MBIP: variants seen among roughly 807,000 people sequenced by gnomAD.
MBIP encodes MAP3K12-binding inhibitory protein 1.
A neutral mutation model predicts 45.7 loss-of-function variants in MBIP; 32 were observed. The observed-to-expected ratio is 0.70, with a 90% CI of 0.53 to 0.94. The LOEUF is 0.94. Among genes scored for constraint, MBIP ranks in the 40% least tolerant of loss-of-function variants. The pLI is 0.00. For synonymous variants in MBIP, 145 were observed against 141.0 expected (o/e 1.03, Z -0.20); for missense variants, 381 against 405.5 (o/e 0.94, Z 0.52).
intron 6 of MBIP, among the ~76,000 whole-genome samples, chr14:36,310,117 A>G (rs1002914504): frequency 1.3e-5 from 2 of 152,234 alleles, no homozygotes; most frequent in African/African-American, 4.8e-5. Flanking sequence ...TCATACTATT[A>G]TTAGAGACTT....
chr14:36,311,485 T>C, intron 6 of MBIP, 88 bp downstream of exon 6: 3 of 1,255,794 alleles, frequency 2.4e-6, no homozygotes, highest in Non-Finnish European at 2.2e-6. Context: ...TGTTAGGAGC[T>C]AAATGAAAAT....
chr14:36,319,046 A>C (rs1217771592), intron 1 of MBIP, among the ~76,000 whole-genome samples: 1 of 152,100 alleles, frequency 6.6e-6, no homozygotes, highest in Non-Finnish European at 1.5e-5. Flanking sequence ...GACATAAGTA[A>C]ATTGTAATCA....
chr14:36,316,989 A>G (rs1189141996), intron 1 of MBIP, among the ~76,000 whole-genome samples, 177 bp from the exon 2 acceptor site: 1 of 152,226 alleles, frequency 6.6e-6, no homozygotes, highest in Non-Finnish European at 1.5e-5. Flanking sequence ...CAAGAAAGCT[A>G]CAGATTTTCA....
intron 7 of MBIP, among the ~76,000 whole-genome samples, chr14:36,306,142 A>G (rs1192737948): frequency 6.6e-6 from 1 of 152,192 alleles, no homozygotes; most frequent in Non-Finnish European, 1.5e-5. Context: ...GGTCCTAACA[A>G]TCTGGCTACT....
chr14:36,320,611 C>A lies in MBIP; in HGVS notation c.-23G>T. Reference sequence around the variant, plus strand: ...CATGATATCTTCTCAGGCCGCCCCACCACCACCACCACCAAGATTTGCTCA... The same window carrying A: ...CATGATATCTTCTCAGGCCGCCCCAACACCACCACCACCAAGATTTGCTCA... On this transcript the variant is annotated 5_prime_UTR_variant, in exon 1 of 9. Transcript: ENST00000416007. The A allele has an allele frequency of 6.3e-7, 1 of 1,576,810 alleles. No homozygotes were observed. Among genetic ancestry groups the A allele is most frequent in the East Asian group, 2.3e-5 (1 of 44,120 alleles).
In MBIP at chr14:36,309,564, T is replaced by G. The variant is rs111563846; in HGVS notation, c.791-1375A>C. Among the ~76,000 whole-genome samples, 520 of 152,300 alleles carry G rather than the reference T, an allele frequency of 3.4e-3. 1 individual carries two copies. Among genetic ancestry groups the G allele is most frequent in the African/African-American group, 0.012 (495 of 41,554 alleles). Reference sequence around the variant, plus strand: ...TTTCTATATCAAAATTGTCAACTTGTTATGTAAAAATTCTAGAAATTTTGA... The same window carrying G: ...TTTCTATATCAAAATTGTCAACTTGGTATGTAAAAATTCTAGAAATTTTGA... On this transcript the variant is annotated intron_variant, in intron 6 of 8. Transcript: ENST00000416007.
At position 36,316,805 on chromosome 14, in the gene MBIP, A is replaced by C; in HGVS notation, c.137T>G (p.Leu46Arg). ...SLHTLVGQLD[L>R]RDDVVKITID... is the part of the protein sequence containing the mutation. Reference sequence around the variant, plus strand: ...TGTAATTTTCACCACATCATCTCTGAGGTCAAGCTTCAAAGGGGCAAACCA... The same window carrying C: ...TGTAATTTTCACCACATCATCTCTGCGGTCAAGCTTCAAAGGGGCAAACCA... Residue 46 changes from leucine to arginine, a missense_variant, in exon 2 of 9, where the codon CTC becomes CGC. Physicochemically the swap from Leu to Arg is moderately radical, Grantham distance 102. Transcript: ENST00000416007. 1 of 1,608,142 alleles carries C rather than the reference A, an allele frequency of 6.2e-7. No homozygotes were observed. Among genetic ancestry groups the C allele is most frequent in the Non-Finnish European group, 8.5e-7 (1 of 1,177,876 alleles).
At chr14:36,303,662 A>G (rs1166032572) in intron 7 of MBIP, among the ~76,000 whole-genome samples, 1 of 152,214 alleles carries the variant, frequency 6.6e-6, no homozygotes, top group Non-Finnish European at 1.5e-5. Flanking sequence ...ATCCTTATGC[A>G]GAGCATGACT....
At position 36,298,898 on chromosome 14, in the gene MBIP, A is replaced by G. The variant is rs1027703271; in HGVS notation, c.*185T>C. 8.9e-6 allele frequency: 4 copies of G among 450,696 alleles called. No individual in the cohort carries two copies. In the Admixed American group the frequency reaches 1.6e-4, roughly 18 times the overall value. 27.9% of individuals were successfully genotyped at this position (450,696 alleles called of 1,614,324 possible). ...ATTCCAACAATGCTATTTTCAATGCATTCATTATTTCAAAACTTACTGGAA... is the reference window on the plus strand; with the variant it reads ...ATTCCAACAATGCTATTTTCAATGCGTTCATTATTTCAAAACTTACTGGAA... On this transcript the variant is annotated 3_prime_UTR_variant, in exon 9 of 9. Transcript: ENST00000416007.
intron 7 of MBIP, among the ~76,000 whole-genome samples, chr14:36,303,880 G>C (rs1879720955): frequency 6.6e-6 from 1 of 152,088 alleles, no homozygotes; most frequent in Non-Finnish European, 1.5e-5. Flanking sequence ...ATTTCTCTCT[G>C]GCTTGGATAA....
intron 1 of MBIP, 147 bp downstream of exon 1, chr14:36,320,313 G>A: frequency 9.2e-7 from 1 of 1,091,596 alleles, no homozygotes; most frequent in Non-Finnish European, 1.3e-6. Context: ...CGAGGAGGCT[G>A]GGCCCGGGCT....
rs770324179 is a variant in MBIP, at chr14:36,299,120, C to T, written c.998G>A (p.Arg333Lys). The T allele has an allele frequency of 6.8e-6, 11 of 1,613,730 alleles. No individual in the cohort carries two copies. In the Admixed American group the frequency reaches 1.8e-4, roughly 27 times the overall value. Residue 333 changes from arginine to lysine, a missense_variant, in exon 9 of 9, where the codon AGA becomes AAA. Physicochemically the swap from Arg to Lys is conservative, Grantham distance 26. Coordinates refer to ENST00000416007, the MANE Select transcript of MBIP (RefSeq NM_016586.3). ...GTGGGTTGCCATGGATTCTGCTTCT[C>T]TTGATTTTCTGAGGAGGGCTTGTTT... ...ALKQALLRKS[R>K]EAESMATHHL...
intron 1 of MBIP, 83 bp downstream of exon 1, chr14:36,320,377 C>T: frequency 1.3e-6 from 2 of 1,580,842 alleles, no homozygotes; most frequent in Middle Eastern, 1.7e-4. Context: ...GGCCTAGCTG[C>T]CCCCGGCCTC....
intron 1 of MBIP, 82 bp downstream of exon 1, chr14:36,320,378 C>A: frequency 6.3e-7 from 1 of 1,592,816 alleles, no homozygotes; most frequent in South Asian, 1.1e-5. Context: ...GCCTAGCTGC[C>A]CCCGGCCTCT....
chr14:36,306,261 T>C (rs1033296029), intron 7 of MBIP, among the ~76,000 whole-genome samples: 4 of 152,160 alleles, frequency 2.6e-5, no homozygotes, highest in Admixed American at 2.0e-4. Context: ...AGTTTTGTTT[T>C]TTTTGTTTTT....
At chr14:36,311,236 A>G (rs1880182772) in intron 6 of MBIP, among the ~76,000 whole-genome samples, 2 of 152,116 alleles carry the variant, frequency 1.3e-5, no homozygotes, top group Admixed American at 1.3e-4. Flanking sequence ...AAGCAGGAGC[A>G]TTACTTGAGC....
At chr14:36,318,028 A>T (rs1355894413) in intron 1 of MBIP, among the ~76,000 whole-genome samples, 1 of 152,086 alleles carries the variant, frequency 6.6e-6, no homozygotes, top group Non-Finnish European at 1.5e-5. Context: ...AATTTCATGT[A>T]GGCTGCACTG....
chr14:36,309,328 T>C (rs1009609723), intron 6 of MBIP, among the ~76,000 whole-genome samples: 1 of 152,220 alleles, frequency 6.6e-6, no homozygotes, highest in African/African-American at 2.4e-5. Context: ...TTCTGTATTA[T>C]TTGTTTCCCC....
At chr14:36,303,852 G>A (rs1394394229) in intron 7 of MBIP, among the ~76,000 whole-genome samples, 1 of 152,136 alleles carries the variant, frequency 6.6e-6, no homozygotes, top group African/African-American at 2.4e-5. Flanking sequence ...TAGTCCCAGA[G>A]CCCTGATTCA....
Sources: allele counts gnomAD v4.1 joint callset (sites outside exome capture counted in the v4.1 genomes callset), GRCh38; gene constraint gnomAD v4.1.1; transcripts MANE v1.5; gene names NCBI Gene and HGNC (gene_info 2026-07-23, HGNC 2026-07-21).